The following FBXL13 variants were observed in gnomAD, a reference collection of about 807,000 sequenced individuals.
The protein encoded by FBXL13 is F-box and leucine-rich repeat protein 13.
In FBXL13, 67 loss-of-function variants were observed where a neutral mutation model predicts 83.6. That is an observed-to-expected ratio of 0.80 (90% CI 0.66 to 0.98). FBXL13 has a LOEUF of 0.98. Among genes scored for constraint, FBXL13 ranks in the 50% least tolerant of loss-of-function variants. The pLI is 0.00. For missense variants in FBXL13, 822 were observed against 866.5 expected, an observed-to-expected ratio of 0.95 and a Z score of 0.64; for synonymous variants, 272 against 299.5, an observed-to-expected ratio of 0.91 and a Z score of 0.95.
At chr7:102,889,955 C>A (rs1811319588) in intron 11 of FBXL13, among the ~76,000 whole-genome samples, 1 of 151,634 alleles carries the variant, frequency 6.6e-6, no homozygotes. Context: ...TACAACACAG[C>A]CCAAAACTTG....
intron 1 of FBXL13, among the ~76,000 whole-genome samples, chr7:103,056,861 G>T (rs1797390760): frequency 6.6e-6 from 1 of 151,904 alleles, no homozygotes; most frequent in African/African-American, 2.4e-5. Flanking sequence ...ATTCTTGCAG[G>T]AGTAAGGTGG....
At chr7:103,069,348 T>G (rs1798709903) in intron 1 of FBXL13, among the ~76,000 whole-genome samples, 1 of 152,206 alleles carries the variant, frequency 6.6e-6, no homozygotes, top group Admixed American at 6.5e-5. Context: ...GTGGCAGCCT[T>G]GTGTGTGATT....
rs76124213 is a variant in FBXL13 at position 102,947,788 on chromosome 7, TA to T, written c.724+15744del. Among the ~76,000 whole-genome samples, 58 of 147,238 alleles carry T rather than the reference TA, an allele frequency of 3.9e-4. 1 individual carries two copies. The highest frequency in any genetic ancestry group is 6.1e-4 in the Admixed American group (9 of 14,768). On this transcript the variant is annotated intron_variant, in intron 8 of 19. Transcript: ENST00000313221. ...ACTTGGATATTTGGATAAAATAAGT[TA>T]AAAAAAAAAACCCTTTCCTAGTCGT... is the stretch of plus-strand genomic sequence containing the variant.
chr7:102,910,076 C>A (rs1044305877), intron 11 of FBXL13, among the ~76,000 whole-genome samples: 2 of 152,172 alleles, frequency 1.3e-5, no homozygotes, highest in African/African-American at 4.8e-5. Flanking sequence ...ACTGCTGGGA[C>A]TGGCAATTCC....
chr7:102,879,617 T>G (rs565713022), intron 14 of FBXL13, among the ~76,000 whole-genome samples: 2 of 152,300 alleles, frequency 1.3e-5, no homozygotes, highest in African/African-American at 4.8e-5. Flanking sequence ...GTTTGTTTGT[T>G]TTTTAATACA....
chr7:103,026,168 C>T (rs116235664), intron 5 of FBXL13, among the ~76,000 whole-genome samples: 1,671 of 151,956 alleles, frequency 0.011, 36 homozygotes, highest in African/African-American at 0.039. Flanking sequence ...GAAGGAGTTT[C>T]GCTTTTGTCG....
intron 7 of FBXL13, among the ~76,000 whole-genome samples, chr7:102,965,948 A>G (rs1161515907): frequency 6.6e-6 from 1 of 152,170 alleles, no homozygotes; most frequent in African/African-American, 2.4e-5. Context: ...TGACCTATGA[A>G]TAGGGGGACT....
chr7:103,074,635 A>G (rs115390191), upstream of FBXL13: 1,216 of 1,259,952 alleles, frequency 9.7e-4, 13 homozygotes, highest in African/African-American at 0.017. Context: ...GTCTTTCCTG[A>G]CTCCTCCCCC....
chr7:102,935,263 T>C (rs1820101841), intron 8 of FBXL13, among the ~76,000 whole-genome samples: 1 of 82,834 alleles, frequency 1.2e-5, no homozygotes, highest in African/African-American at 3.2e-5. Context: ...TTTTTTTTTT[T>C]TTTTTTGAGA....
chr7:103,037,297 C>A (rs577029856), intron 2 of FBXL13, among the ~76,000 whole-genome samples: 2 of 152,308 alleles, frequency 1.3e-5, no homozygotes, highest in South Asian at 2.1e-4. Context: ...TGATTATCAA[C>A]CAACTGATTC....
At chr7:103,058,834 A>T (rs1326006840) in intron 1 of FBXL13, among the ~76,000 whole-genome samples, 1 of 152,196 alleles carries the variant, frequency 6.6e-6, no homozygotes, top group Non-Finnish European at 1.5e-5. Flanking sequence ...TATATTTCCA[A>T]GCTCCACTTA....
At chr7:102,939,661 A>G (rs1374166522) in intron 8 of FBXL13, 4 of 1,256,228 alleles carry the variant, frequency 3.2e-6, no homozygotes, top group Non-Finnish European at 2.2e-6. Context: ...ACTTATATAC[A>G]GTAAATTCAG....
chr7:102,940,475 G>A (rs1821211373), intron 8 of FBXL13, among the ~76,000 whole-genome samples: 1 of 152,266 alleles, frequency 6.6e-6, no homozygotes, highest in South Asian at 2.1e-4. Context: ...CTCCCAAAGT[G>A]CTGGGATTAC....
intron 6 of FBXL13, among the ~76,000 whole-genome samples, chr7:103,008,788 C>A (rs963827504): frequency 1.3e-5 from 2 of 152,144 alleles, no homozygotes; most frequent in African/African-American, 4.8e-5. Flanking sequence ...AAACTCCTGA[C>A]CTCAGGTGAT....
intron 17 of FBXL13, among the ~76,000 whole-genome samples, chr7:102,840,636 G>A (rs933034885): frequency 2.0e-5 from 3 of 152,150 alleles, no homozygotes; most frequent in Non-Finnish European, 4.4e-5. Flanking sequence ...GAAATAAAGA[G>A]TTCACGAACT....
chr7:102,966,971 T>A (rs1326153644), intron 7 of FBXL13, among the ~76,000 whole-genome samples: 3 of 151,908 alleles, frequency 2.0e-5, no homozygotes, highest in African/African-American at 7.3e-5. Context: ...CCTGTTTTGG[T>A]TTTTTTGTTT....
At chr7:103,074,234 C>A (rs188132094) in intron 1 of FBXL13, 2 of 996,258 alleles carry the variant, frequency 2.0e-6, no homozygotes, top group African/African-American at 3.5e-5. Context: ...TCCATGGAAA[C>A]CTCAGGCTCA....
At chr7:103,058,389 T>A (rs192065785) in intron 1 of FBXL13, among the ~76,000 whole-genome samples, 1 of 152,300 alleles carries the variant, frequency 6.6e-6, no homozygotes, top group East Asian at 1.9e-4. Flanking sequence ...GCAACCTGAA[T>A]TTGGACAGTC....
chr7:102,990,594 T>A (rs1303087853), intron 6 of FBXL13, among the ~76,000 whole-genome samples: 1 of 152,144 alleles, frequency 6.6e-6, no homozygotes, highest in Non-Finnish European at 1.5e-5. Flanking sequence ...TAGGCCATTA[T>A]AAGAGAGTAA....
Sources: allele counts gnomAD v4.1 joint callset (sites outside exome capture counted in the v4.1 genomes callset), GRCh38; gene constraint gnomAD v4.1.1; transcripts MANE v1.5; gene names NCBI Gene and HGNC (gene_info 2026-07-23, HGNC 2026-07-21).